NFIA: variants seen among roughly 807,000 people sequenced by gnomAD.
NFIA encodes nuclear factor 1 A-type.
NFIA carries 8 observed loss-of-function variants against 62.8 expected under a neutral mutation model. That is an observed-to-expected ratio of 0.13 (90% CI 0.07 to 0.23). The LOEUF is 0.23. Ranked by LOEUF, NFIA falls within the 10% of genes least tolerant of loss-of-function variation. The pLI is 1.00. For synonymous variants in NFIA, 235 were observed against 238.1 expected, an observed-to-expected ratio of 0.99 and a Z score of 0.12; for missense variants, 410 against 642.1, an observed-to-expected ratio of 0.64 and a Z score of 3.91.
At chr1:61,331,787 TC>T (rs1291035805) in intron 3 of NFIA, among the ~76,000 whole-genome samples, 2 of 152,186 alleles carry the variant, frequency 1.3e-5, no homozygotes, top group East Asian at 1.9e-4. Flanking sequence ...TAGTTGGTGA[TC>T]GACATAATAC....
chr1:61,264,947 G>A (rs1657064270), intron 2 of NFIA, among the ~76,000 whole-genome samples: 1 of 152,182 alleles, frequency 6.6e-6, no homozygotes. Context: ...TTGAGTGGGT[G>A]GGACCCCATG....
At chr1:61,446,254 T>A (rs1169270271) in intron 10 of NFIA, among the ~76,000 whole-genome samples, 1 of 152,198 alleles carries the variant, frequency 6.6e-6, no homozygotes. Context: ...TGCCACAGTT[T>A]CCTTTGCATT....
intron 6 of NFIA, among the ~76,000 whole-genome samples, chr1:61,363,576 C>T (rs1324924627): frequency 2.0e-5 from 3 of 149,006 alleles, no homozygotes; most frequent in Non-Finnish European, 4.4e-5. Flanking sequence ...TGCACTCCAG[C>T]CTGGGCAACA....
chr1:61,403,179 G>A (rs1557760197), intron 7 of NFIA, among the ~76,000 whole-genome samples: 1 of 152,208 alleles, frequency 6.6e-6, no homozygotes, highest in Non-Finnish European at 1.5e-5. Flanking sequence ...CTCTCATTGA[G>A]AAGCAAGAGC....
intron 6 of NFIA, among the ~76,000 whole-genome samples, chr1:61,379,714 C>G (rs1664323871): frequency 1.3e-5 from 2 of 151,842 alleles, no homozygotes; most frequent in South Asian, 4.2e-4. Flanking sequence ...CCTCAGCTAA[C>G]TTTTAAAAAT....
chr1:61,378,146 A>G (rs1454612556), intron 6 of NFIA, among the ~76,000 whole-genome samples: 1 of 152,180 alleles, frequency 6.6e-6, no homozygotes, highest in East Asian at 1.9e-4. Context: ...AGGTGAAATT[A>G]ATTATGATTG....
chr1:61,177,151 T>G (rs2100556240), intron 2 of NFIA, among the ~76,000 whole-genome samples: 1 of 152,262 alleles, frequency 6.6e-6, no homozygotes, highest in South Asian at 2.1e-4. Context: ...TTTCCGTGCT[T>G]TATCTTCATT....
intron 2 of NFIA, among the ~76,000 whole-genome samples, chr1:61,130,819 T>C (rs1219379422): frequency 1.3e-5 from 2 of 152,242 alleles, no homozygotes; most frequent in Non-Finnish European, 2.9e-5. Flanking sequence ...ATTTGTTTGC[T>C]TTTATTGGAA....
At chr1:61,393,925 C>T (rs1274923736) in intron 7 of NFIA, among the ~76,000 whole-genome samples, 1 of 152,174 alleles carries the variant, frequency 6.6e-6, no homozygotes, top group Non-Finnish European at 1.5e-5. Flanking sequence ...GAAAACAGTT[C>T]GGCTCTTGAT....
upstream of NFIA, chr1:61,082,006 G>A (rs1439348143): frequency 1.3e-6 from 2 of 1,550,038 alleles, no homozygotes; most frequent in African/African-American, 1.4e-5. Context: ...GGCCCGGGGG[G>A]TGCGGGGCAA....
At chr1:61,359,514 A>G (rs911833438) in intron 6 of NFIA, among the ~76,000 whole-genome samples, 1 of 152,054 alleles carries the variant, frequency 6.6e-6, no homozygotes, top group Non-Finnish European at 1.5e-5. Context: ...CTGCTCTTAC[A>G]TATTTTCCCC....
At chr1:61,228,987 G>T (rs1201799255) in intron 2 of NFIA, among the ~76,000 whole-genome samples, 1 of 151,936 alleles carries the variant, frequency 6.6e-6, no homozygotes, top group Admixed American at 6.6e-5. Flanking sequence ...AACCTTAAAA[G>T]AATCTTATAA....
Position 61,352,484 on chromosome 1 carries a change from T to C in NFIA, c.735T>C (p.Ser245=), listed in dbSNP as rs771245694. Residue 245 remains serine (S), a synonymous_variant, in exon 5 of 11, where the codon TCT becomes TCC. Transcript: ENST00000403491. The stretch of plus-strand genomic sequence containing the variant: ...CTGCAGGAACTGGCCCAAATTTTTC[T>C]CTCTCAGATTTGGAAAGTTCTTCAT... ...PIAAGTGPNF[S]LSDLESSSYY... The C allele has an allele frequency of 1.5e-4, 245 of 1,613,884 alleles. No individual in the cohort carries two copies. The highest frequency in any genetic ancestry group is 2.0e-4 in the Non-Finnish European group (231 of 1,179,954).
At chr1:61,146,842 T>A (rs199646253) in intron 2 of NFIA, among the ~76,000 whole-genome samples, 53 of 143,718 alleles carry the variant, frequency 3.7e-4, no homozygotes, top group South Asian at 2.9e-3. Context: ...GTTTTTTTTT[T>A]AAATAGTTTT....
intron 2 of NFIA, among the ~76,000 whole-genome samples, chr1:61,264,411 A>AGGCGGGTGGATTGCTTGAGC (rs1553166678): frequency 1.3e-5 from 2 of 152,128 alleles, no homozygotes; most frequent in Non-Finnish European, 2.9e-5. Flanking sequence ...CAGGAGGCTG[A>AGGCGGGTGGATTGCTTGAGC]GGCGGGTGGA....
At chr1:61,443,666 A>G (rs1667685488) in intron 10 of NFIA, among the ~76,000 whole-genome samples, 2 of 152,306 alleles carry the variant, frequency 1.3e-5, no homozygotes, top group South Asian at 2.1e-4. Context: ...TACAGTTACT[A>G]TTAGTATCAT....
intron 3 of NFIA, among the ~76,000 whole-genome samples, chr1:61,291,088 T>C (rs565417695): frequency 1.3e-5 from 2 of 152,334 alleles, no homozygotes; most frequent in South Asian, 4.1e-4. Flanking sequence ...AAGCCTGTGC[T>C]GTAGACCACT....
At chr1:61,296,817 A>G (rs964475712) in intron 3 of NFIA, among the ~76,000 whole-genome samples, 1 of 152,174 alleles carries the variant, frequency 6.6e-6, no homozygotes, top group Non-Finnish European at 1.5e-5. Flanking sequence ...GAGGGCTAAG[A>G]CAAATATGTT....
At chr1:61,162,213 C>G (rs1649261687) in intron 2 of NFIA, among the ~76,000 whole-genome samples, 1 of 152,122 alleles carries the variant, frequency 6.6e-6, no homozygotes, top group Admixed American at 6.5e-5. Flanking sequence ...TTGGAATCAG[C>G]CCCTAGAGCG....
Sources: allele counts gnomAD v4.1 joint callset (sites outside exome capture counted in the v4.1 genomes callset), GRCh38; gene constraint gnomAD v4.1.1; transcripts MANE v1.5; gene names NCBI Gene and HGNC (gene_info 2026-07-23, HGNC 2026-07-21).